IRF8: variants seen among roughly 807,000 people sequenced by gnomAD.
IRF8 encodes interferon regulatory factor 8.
IRF8 carries 14 observed loss-of-function variants against 48.7 expected under a neutral mutation model. That is an observed-to-expected ratio of 0.29 (90% CI 0.19 to 0.45). IRF8 has a LOEUF of 0.45. Among genes scored for constraint, IRF8 ranks in the 20% least tolerant of loss-of-function variants. The pLI is 1.00. For missense variants in IRF8, 493 were observed against 580.7 expected (o/e 0.85, Z 1.55); for synonymous variants, 278 against 227.3 (o/e 1.22, Z -2.01).
Position 85,914,485 on chromosome 16 carries a change from T to A in IRF8, c.566T>A (p.Val189Glu). The change falls in exon 6 of 9, where the codon GTG becomes GAG. Residue 189 changes from valine (V) to glutamate (E), a missense_variant. Around this residue, in one of 3 missense-constraint regions of IRF8, gnomAD observed 408 missense variants for 449.6 expected, o/e 0.91. Transcript: ENST00000268638. ...AQQPSTGVPL[V>E]TGYTTYDAHH... is the part of the protein sequence containing the mutation. The stretch of plus-strand genomic sequence containing the variant: ...GTTTCTCCTGCAGGCGTGCCGCTGG[T>A]GACGGGGTACACCACCTACGACGCG... 1 of 1,614,126 alleles carries A rather than the reference T, an allele frequency of 6.2e-7. No homozygotes were observed. The highest frequency in any genetic ancestry group is 8.5e-7 in the Non-Finnish European group (1 of 1,180,004).
In IRF8 at chr16:85,920,239, CTTTTTTTTTTT is replaced by C; in HGVS notation, c.1104+30_1104+40del. ...TTCTCGTGCAGGTAAGTATGGGCAG[CTTTTTTTTTTT>C]TTTTTTTTTTTTTTGAGATGGAGTC... is the stretch of plus-strand genomic sequence containing the variant. On this transcript the variant is annotated intron_variant, in intron 8 of 8. Coordinates refer to ENST00000268638, the MANE Select transcript of IRF8 (RefSeq NM_002163.4). The C allele has an allele frequency of 4.1e-6, 2 of 485,970 alleles. No individual in the cohort carries two copies. Among genetic ancestry groups the C allele is most frequent in the Non-Finnish European group, 3.4e-6 (1 of 295,286 alleles). 30.1% of individuals were successfully genotyped at this position (485,970 alleles called of 1,614,324 possible). A position where few individuals can be genotyped will look rare whatever the true frequency, so the allele number is the denominator to read the frequency against.
At chr16:85,916,037 A>G (rs777624209) in intron 6 of IRF8, among the ~76,000 whole-genome samples, 1 of 152,170 alleles carries the variant, frequency 6.6e-6, no homozygotes, top group Non-Finnish European at 1.5e-5. Flanking sequence ...CCCTGGGCAC[A>G]GCACCTGATA....
At chr16:85,911,995 C>T (rs139492415) in intron 4 of IRF8, among the ~76,000 whole-genome samples, 1 of 152,318 alleles carries the variant, frequency 6.6e-6, no homozygotes, top group African/African-American at 2.4e-5. Flanking sequence ...TCGTGAATTC[C>T]CTTGCCTTCC....
rs759579543 is a variant in IRF8 at position 85,903,040 on chromosome 16, C to T, written c.25C>T (p.Arg9Trp). The T allele has an allele frequency of 1.5e-5, 25 of 1,613,994 alleles. No homozygotes were observed. Among genetic ancestry groups the T allele is most frequent in the East Asian group, 2.2e-5 (1 of 44,900 alleles). MCDRNGGRRLRQWLIEQID... is the reference protein window; with the variant it reads MCDRNGGRWLRQWLIEQID... ...GATGTGTGACCGGAATGGTGGTCGG[C>T]GGCTTCGACAGTGGCTGATCGAGCA... Residue 9 changes from arginine to tryptophan, a missense_variant, in exon 2 of 9, where the codon CGG (arginine) becomes TGG (tryptophan). By Grantham distance (101) the Arg-to-Trp change is moderately radical. This residue lies in a region of IRF8 where 54 missense variants were observed against 59.9 expected (regional missense o/e 0.90). Transcript: ENST00000268638.
chr16:85,902,882 C>T (rs942256340), intron 1 of IRF8, 133 bp from the exon 2 acceptor site: 16 of 945,056 alleles, frequency 1.7e-5, no homozygotes, highest in Admixed American at 3.5e-5. Flanking sequence ...CCCGGAGTCC[C>T]TGAATCTGTG....
At chr16:85,902,595 G>A in intron 1 of IRF8, 1 of 263,542 alleles carries the variant, frequency 3.8e-6, no homozygotes, top group Non-Finnish European at 7.5e-6. Context: ...TGGTAGCCCA[G>A]TTGGTTCTTC....
At chr16:85,918,030 G>T (rs9934699) in intron 6 of IRF8, among the ~76,000 whole-genome samples, 1 of 152,060 alleles carries the variant, frequency 6.6e-6, no homozygotes, top group African/African-American at 2.4e-5. Context: ...GCAGCAGACC[G>T]CAGTGCCCTT....
intron 2 of IRF8, chr16:85,903,463 G>C: frequency 4.5e-6 from 2 of 448,622 alleles, no homozygotes; most frequent in Admixed American, 7.0e-5. Context: ...TCCTTTTCCT[G>C]ATGAGCCAAG....
intron 3 of IRF8, among the ~76,000 whole-genome samples, chr16:85,910,675 G>A (rs535625917): frequency 8.4e-4 from 128 of 152,284 alleles, no homozygotes; most frequent in South Asian, 4.8e-3. Flanking sequence ...CAGGGGTGAA[G>A]CAATGTAGCA....
At chr16:85,913,409 A>G in intron 5 of IRF8, 173 bp downstream of exon 5, 1 of 642,038 alleles carries the variant, frequency 1.6e-6, no homozygotes, top group Non-Finnish European at 2.8e-6. Flanking sequence ...ACATGAGGGC[A>G]GAGCCCAGCT....
chr16:85,913,246 G>A lies in IRF8; in HGVS notation c.553+10G>A, dbSNP rs749641044. 6.2e-6 allele frequency: 10 copies of A among 1,600,792 alleles called. No homozygotes were observed. Among genetic ancestry groups the A allele is most frequent in the Middle Eastern group, 1.7e-4 (1 of 6,042 alleles). ...CAGCAGCCCAGCACAGGTGAGGGTG[G>A]GTGGCCTAGAATTGTCACCAGGCAT... On this transcript the variant is annotated intron_variant, in intron 5 of 8. Coordinates refer to ENST00000268638, the MANE Select transcript of IRF8 (RefSeq NM_002163.4).
chr16:85,918,846 C>T lies in IRF8; in HGVS notation c.988+43C>T, dbSNP rs756710546. ...CTTGCTGCCCCCACATCTTAGAGAT[C>T]ACGCCTCCTATCTGTGTGCCATTTG... On this transcript the variant is annotated intron_variant, in intron 7 of 8. Coordinates refer to ENST00000268638, the MANE Select transcript of IRF8 (RefSeq NM_002163.4). The T allele has an allele frequency of 1.9e-6, 3 of 1,599,552 alleles. No individual in the cohort carries two copies. In the East Asian group the frequency reaches 6.7e-5, roughly 36 times the overall value.
rs1905204137 is a variant in IRF8 at position 85,913,371 on chromosome 16, G to A, written c.553+135G>A. The A allele has an allele frequency of 1.1e-5, 8 of 705,800 alleles. No homozygotes were observed. In the Admixed American group the frequency reaches 1.6e-4, roughly 14 times the overall value. 43.7% of individuals were successfully genotyped at this position (705,800 alleles called of 1,614,324 possible). A position where few individuals can be genotyped will look rare whatever the true frequency, so the allele number is the denominator to read the frequency against. ...CATTAAAGGTAGCTCAGCCCTGAGA[G>A]GTGAAGAACGATGGCCCTGGTTTCC... On this transcript the variant is annotated intron_variant, in intron 5 of 8. Coordinates refer to ENST00000268638, the MANE Select transcript of IRF8 (RefSeq NM_002163.4).
Position 85,920,224 on chromosome 16 carries a change from G to A in IRF8, c.1104G>A (p.Gln368=), listed in dbSNP as rs377181003. Reference sequence around the variant, plus strand: ...TGCGCTCCAAACTCATTCTCGTGCAGGTAAGTATGGGCAGCTTTTTTTTTT... The same window carrying A: ...TGCGCTCCAAACTCATTCTCGTGCAAGTAAGTATGGGCAGCTTTTTTTTTT... ...APLRSKLILV[Q]IEQLYVRQLA... Residue 368 remains glutamine (Q), a splice_region_variant and synonymous_variant, in exon 8 of 9, where the codon CAG becomes CAA. Coordinates refer to ENST00000268638, the MANE Select transcript of IRF8 (RefSeq NM_002163.4). 1.1e-4 allele frequency: 141 copies of A among 1,289,354 alleles called. No individual in the cohort carries two copies. The highest frequency in any genetic ancestry group is 1.5e-4 in the Non-Finnish European group (136 of 888,790). 79.9% of individuals were successfully genotyped at this position (1,289,354 alleles called of 1,614,324 possible). A position where few individuals can be genotyped will look rare whatever the true frequency, so the allele number is the denominator to read the frequency against.
intron 5 of IRF8, 176 bp from the exon 6 acceptor site, chr16:85,914,297 T>C (rs962503890): frequency 4.3e-6 from 3 of 695,604 alleles, no homozygotes; most frequent in Non-Finnish European, 7.7e-6. Context: ...TGTGAAACAA[T>C]GGCTCTCTGC....
rs1905591524 is a variant in IRF8, at chr16:85,922,013, CTCTTT to C, written c.*736_*740del. On this transcript the variant is annotated 3_prime_UTR_variant, in exon 9 of 9. Coordinates refer to ENST00000268638, the MANE Select transcript of IRF8 (RefSeq NM_002163.4). Reference sequence around the variant, plus strand: ...TCTGTCATGAAATCATTCCAGATACCTCTTTTCTTCTTTCCAAATGGTTTTCACAT... The same window carrying C: ...TCTGTCATGAAATCATTCCAGATACCTCTTCTTTCCAAATGGTTTTCACAT... The C allele has an allele frequency of 6.6e-6, 1 of 152,306 alleles. No homozygotes were observed. The highest frequency in any genetic ancestry group is 2.4e-5 in the African/African-American group (1 of 41,410). The allele number at this position is 152,306 out of a possible 1,614,324, so 9.4% of individuals were successfully genotyped here.
chr16:85,913,775 C>G (rs967141092), intron 5 of IRF8, among the ~76,000 whole-genome samples: 2 of 152,340 alleles, frequency 1.3e-5, no homozygotes, highest in South Asian at 4.1e-4. Context: ...TTTATTCATC[C>G]GTAAAACAGA....
At chr16:85,915,350 G>A (rs949049216) in intron 6 of IRF8, among the ~76,000 whole-genome samples, 1 of 152,244 alleles carries the variant, frequency 6.6e-6, no homozygotes, top group Non-Finnish European at 1.5e-5. Flanking sequence ...GAACGTTAGG[G>A]CTGGGCCTCT....
chr16:85,912,738 C>T lies in IRF8; in HGVS notation c.448-393C>T, dbSNP rs537347086. ...AGAGATTGAACATCTGCATGTGGCT[C>T]GTTGAGCGAGATTCTTGAAAGCATG... On this transcript the variant is annotated intron_variant, in intron 4 of 8. Transcript: ENST00000268638. Among the ~76,000 whole-genome samples the T allele has an allele frequency of 9.2e-5, 14 of 152,342 alleles. No individual in the cohort carries two copies. In the East Asian group the frequency reaches 2.1e-3, roughly 23 times the overall value.
Sources: gnomAD v4.1 joint callset for allele counts (sites outside exome capture counted in the v4.1 genomes callset) on GRCh38, gnomAD v4.1.1 for gene constraint, gnomAD v4.1.1 regional missense constraint, MANE v1.5 for transcripts, NCBI Gene and HGNC (gene_info 2026-07-23, HGNC 2026-07-21) for gene names.